Variants in DBT observed in about 807,000 individuals in gnomAD.
The protein encoded by DBT is dihydrolipoamide branched chain transacylase E2.
Under a neutral mutation model 51.3 loss-of-function variants are expected in DBT, and 40 were observed. That is an observed-to-expected ratio of 0.78 (90% CI 0.61 to 1.02). The LOEUF (loss-of-function observed/expected upper bound fraction) is 1.02. Among genes scored for constraint, DBT ranks in the 50% least tolerant of loss-of-function variants. The probability of loss-of-function intolerance (pLI) is 0.00; values close to 1 mark genes in which losing one functional copy is unlikely to be tolerated. For synonymous variants in DBT, 181 were observed against 190.4 expected (o/e 0.95, Z 0.41); for missense variants, 510 against 580.2 (o/e 0.88, Z 1.24).
At chr1:100,231,054 TCA>T in intron 3 of DBT, 140 bp from the exon 4 acceptor site, 1 of 622,090 alleles carries the variant, frequency 1.6e-6, no homozygotes, top group South Asian at 2.0e-5. Context: ...AAGCAATGTT[TCA>T]GAGATGACTA....
At chr1:100,208,141 A>C (rs1433348667) in intron 8 of DBT, among the ~76,000 whole-genome samples, 5 of 152,122 alleles carry the variant, frequency 3.3e-5, no homozygotes, top group African/African-American at 1.2e-4. Context: ...TCTCCAAAAC[A>C]AAAACAAAAA....
chr1:100,199,191 G>A (rs1477056176), intron 10 of DBT, among the ~76,000 whole-genome samples: 2 of 152,038 alleles, frequency 1.3e-5, no homozygotes, highest in African/African-American at 4.8e-5. Flanking sequence ...TTCTAAGTCA[G>A]TGTCTTCTAA....
chr1:100,207,369 C>T (rs868154390), intron 8 of DBT, among the ~76,000 whole-genome samples: 3 of 152,122 alleles, frequency 2.0e-5, no homozygotes, highest in Middle Eastern at 3.2e-3. Flanking sequence ...GGATTAAGCA[C>T]CTCAGCATTC....
intron 5 of DBT, 66 bp from the exon 6 acceptor site, chr1:100,216,265 TGGAA>T: frequency 1.8e-6 from 2 of 1,142,374 alleles, no homozygotes; most frequent in Non-Finnish European, 2.6e-6. Flanking sequence ...AGTTTCAAAA[TGGAA>T]TTTGATCAAC....
intron 10 of DBT, among the ~76,000 whole-genome samples, chr1:100,200,169 G>A (rs371474650): frequency 6.8e-4 from 103 of 152,234 alleles, no homozygotes; most frequent in African/African-American, 2.3e-3. Context: ...TGAAATTCTC[G>A]CTGCCAGCAC....
intron 6 of DBT, among the ~76,000 whole-genome samples, chr1:100,215,278 A>G (rs1396112031): frequency 6.6e-6 from 1 of 152,226 alleles, no homozygotes; most frequent in Non-Finnish European, 1.5e-5. Flanking sequence ...TTTCCCTAAC[A>G]GCTTTCCTGC....
At chr1:100,205,719 G>A (rs186616057) in intron 10 of DBT, among the ~76,000 whole-genome samples, 169 of 152,294 alleles carry the variant, frequency 1.1e-3, no homozygotes, top group Middle Eastern at 6.8e-3. Flanking sequence ...ATCAATGTTA[G>A]TTAGACTGGA....
At chr1:100,226,630 AC>A (rs1663234456) in intron 4 of DBT, among the ~76,000 whole-genome samples, 1 of 152,062 alleles carries the variant, frequency 6.6e-6, no homozygotes. Context: ...AATAGGAAGC[AC>A]CCCTAACGCC....
At chr1:100,229,926 C>A (rs1202462392) in intron 4 of DBT, among the ~76,000 whole-genome samples, 1 of 152,202 alleles carries the variant, frequency 6.6e-6, no homozygotes, top group East Asian at 1.9e-4. Flanking sequence ...ACTTGTAAGT[C>A]CCATGGTTGC....
At chr1:100,235,080 A>G (rs1309602108) in intron 3 of DBT, among the ~76,000 whole-genome samples, 2 of 152,164 alleles carry the variant, frequency 1.3e-5, no homozygotes, top group Admixed American at 6.5e-5. Context: ...GACTTTTGGT[A>G]AAATATTTTC....
intron 10 of DBT, among the ~76,000 whole-genome samples, chr1:100,201,279 C>T (rs943895607): frequency 2.0e-5 from 3 of 151,652 alleles, no homozygotes; most frequent in African/African-American, 7.3e-5. Flanking sequence ...ATAGCTGAAT[C>T]GATCAAGCGG....
Position 100,216,213 on chromosome 1 carries a change from T to C in DBT, c.556-14A>G, listed in dbSNP as rs1311335512. On this transcript the variant is annotated splice_polypyrimidine_tract_variant and intron_variant, in intron 5 of 10. Coordinates refer to ENST00000370132, the MANE Select transcript of DBT (RefSeq NM_001918.5). ...ACTCAGCTTAATCTAAAAAATGATATATTTTAATGCCAAAAATACAACTAT... is the reference window on the plus strand; with the variant it reads ...ACTCAGCTTAATCTAAAAAATGATACATTTTAATGCCAAAAATACAACTAT... 1 of 1,564,824 alleles carries C rather than the reference T, an allele frequency of 6.4e-7. No individual in the cohort carries two copies. The highest frequency in any genetic ancestry group is 1.4e-5 in the African/African-American group (1 of 73,940).
chr1:100,206,366 A>G, intron 9 of DBT, 65 bp from the exon 10 acceptor site: 1 of 1,566,674 alleles, frequency 6.4e-7, no homozygotes, highest in Non-Finnish European at 8.8e-7. Context: ...ACAAATGCCA[A>G]GTGACTTTTC....
At position 100,195,350 on chromosome 1, in the gene DBT, G is replaced by A. The variant is rs905766986; in HGVS notation, c.*905C>T. The A allele has an allele frequency of 6.6e-6, 1 of 152,452 alleles. No homozygotes were observed. Among genetic ancestry groups the A allele is most frequent in the African/African-American group, 2.4e-5 (1 of 41,388 alleles). The allele number at this position is 152,452 out of a possible 1,614,324, so 9.4% of individuals were successfully genotyped here. On this transcript the variant is annotated 3_prime_UTR_variant, in exon 11 of 11. Transcript: ENST00000370132. Reference sequence around the variant, plus strand: ...TTAAACAAACACCTTTAATAGACTGGTTATAAAACTATAATTGGACAATTT... The same window carrying A: ...TTAAACAAACACCTTTAATAGACTGATTATAAAACTATAATTGGACAATTT...
chr1:100,237,325 T>C (rs1460745686), intron 2 of DBT, among the ~76,000 whole-genome samples: 3 of 152,150 alleles, frequency 2.0e-5, no homozygotes, highest in Non-Finnish European at 4.4e-5. Context: ...ATCCTCTAGC[T>C]GAATACAGCC....
At chr1:100,234,429 A>G (rs951651424) in intron 3 of DBT, among the ~76,000 whole-genome samples, 2 of 151,886 alleles carry the variant, frequency 1.3e-5, no homozygotes, top group African/African-American at 4.8e-5. Context: ...TGAGGCCAAG[A>G]GTTCAAGACC....
At chr1:100,216,325 C>T in intron 5 of DBT, 126 bp from the exon 6 acceptor site, 1 of 723,156 alleles carries the variant, frequency 1.4e-6, no homozygotes, top group Non-Finnish European at 2.4e-6. Flanking sequence ...AAGGAAATAA[C>T]CTTTTCATTT....
chr1:100,231,699 T>G (rs1663562998), intron 3 of DBT, among the ~76,000 whole-genome samples: 2 of 152,154 alleles, frequency 1.3e-5, no homozygotes, highest in African/African-American at 4.8e-5. Context: ...AATGATGGAT[T>G]AAAGACATCT....
At chr1:100,206,700 A>G in intron 8 of DBT, 64 bp from the exon 9 acceptor site, 2 of 919,260 alleles carry the variant, frequency 2.2e-6, no homozygotes, top group South Asian at 2.6e-5. Flanking sequence ...AGAAAGGATC[A>G]ACCTTCACTG....
Sources: gnomAD v4.1 joint callset for allele counts (sites outside exome capture counted in the v4.1 genomes callset) on GRCh38, gnomAD v4.1.1 for gene constraint, MANE v1.5 for transcripts, NCBI Gene and HGNC (gene_info 2026-07-23, HGNC 2026-07-21) for gene names.